Variants in CRADD observed in about 807,000 individuals in gnomAD.
The protein encoded by CRADD is death domain-containing protein CRADD.
CRADD carries 9 observed loss-of-function variants against 15.5 expected under a neutral mutation model. That is an observed-to-expected ratio of 0.58 (90% CI 0.35 to 1.01). The LOEUF (loss-of-function observed/expected upper bound fraction) is 1.01, where lower values mean the gene tolerates loss of function less well. Among genes scored for constraint, CRADD ranks in the 50% least tolerant of loss-of-function variants. The pLI is 0.02. For missense variants in CRADD, 227 were observed against 250.3 expected (o/e 0.91, Z 0.63); for synonymous variants, 118 against 107.6 (o/e 1.10, Z -0.60).
intron 2 of CRADD, among the ~76,000 whole-genome samples, chr12:93,833,132 A>G (rs1335184087): frequency 6.6e-6 from 1 of 152,232 alleles, no homozygotes; most frequent in Non-Finnish European, 1.5e-5. Flanking sequence ...ACAAATGCTA[A>G]GTGTTCATTA....
chr12:93,826,355 T>C (rs1957823777), intron 2 of CRADD, among the ~76,000 whole-genome samples: 1 of 152,208 alleles, frequency 6.6e-6, no homozygotes, highest in Non-Finnish European at 1.5e-5. Context: ...ACGATTCTTT[T>C]TGTTGTTCCA....
chr12:93,882,724 C>T (rs886368027), intron 2 of CRADD, among the ~76,000 whole-genome samples: 1 of 152,136 alleles, frequency 6.6e-6, no homozygotes, highest in African/African-American at 2.4e-5. Flanking sequence ...ATCAGTGGAT[C>T]GACTTCTGAA....
chr12:93,738,355 C>T (rs1956615865), intron 2 of CRADD: 1 of 702,254 alleles, frequency 1.4e-6, no homozygotes, highest in Non-Finnish European at 2.6e-6. Context: ...AGCCTGTTGA[C>T]AATCTCACCC....
At chr12:93,741,726 T>A (rs1956669958) in intron 2 of CRADD, among the ~76,000 whole-genome samples, 3 of 152,230 alleles carry the variant, frequency 2.0e-5, no homozygotes, top group Non-Finnish European at 4.4e-5. Flanking sequence ...ACAAAGAGGC[T>A]GATAAAATAC....
chr12:93,866,149 C>T (rs1958365708), intron 2 of CRADD, among the ~76,000 whole-genome samples: 1 of 152,056 alleles, frequency 6.6e-6, no homozygotes, highest in African/African-American at 2.4e-5. Context: ...TTGCTGGACA[C>T]TTGATAGGAA....
chr12:93,680,104 T>C (rs1375754778), intron 2 of CRADD, among the ~76,000 whole-genome samples: 1 of 152,132 alleles, frequency 6.6e-6, no homozygotes, highest in Non-Finnish European at 1.5e-5. Context: ...AGGAAGAAGA[T>C]GTGATATGGA....
rs192697480 is a variant in CRADD, at chr12:93,753,258, A to G, written c.298+74186A>G. The stretch of plus-strand genomic sequence containing the variant: ...AATAGCACAGGAAAAACCCACCTCC[A>G]TGATTCAATTACCTCCCACTGGGTC... On this transcript the variant is annotated intron_variant, in intron 2 of 2. Coordinates refer to ENST00000332896, the MANE Select transcript of CRADD (RefSeq NM_003805.5). Among the ~76,000 whole-genome samples, 8 of 151,898 alleles carry G rather than the reference A, an allele frequency of 5.3e-5. No individual in the cohort carries two copies. In the East Asian group the frequency reaches 1.5e-3, roughly 29 times the overall value.
At position 93,866,122 on chromosome 12, in the gene CRADD, A is replaced by G. The variant is rs532221819; in HGVS notation, c.299-27928A>G. On this transcript the variant is annotated intron_variant, in intron 2 of 2. Coordinates refer to the CRADD transcript ENST00000548483. Reference sequence around the variant, plus strand: ...AATTTCACAATGATATGTTTTGACTAATATGTTTTATTCATTTTGCTGGAC... The same window carrying G: ...AATTTCACAATGATATGTTTTGACTGATATGTTTTATTCATTTTGCTGGAC... 1.7e-4 allele frequency among the ~76,000 whole-genome samples: 26 copies of G among 152,254 alleles called. No homozygotes were observed. In the East Asian group the frequency reaches 5.0e-3, roughly 29 times the overall value.
At chr12:93,863,040 ACCTTCTTTTC>A in intron 2 of CRADD, among the ~76,000 whole-genome samples, 1 of 152,294 alleles carries the variant, frequency 6.6e-6, no homozygotes, top group East Asian at 1.9e-4. Context: ...GTTTTCTGGA[ACCTTCTTTTC>A]CTTCTTTAAT....
chr12:93,758,645 AGTGGAAG>A (rs1305362323), intron 2 of CRADD, among the ~76,000 whole-genome samples: 1 of 152,236 alleles, frequency 6.6e-6, no homozygotes, highest in South Asian at 2.1e-4. Context: ...TTTTAAATGC[AGTGGAAG>A]GTTTTATGTT....
rs1592870643 is a variant in CRADD, at chr12:93,678,947, T to C, written c.173T>C (p.Leu58Pro). Residue 58 changes from leucine (L) to proline (P), a missense_variant, in exon 2 of 3, where the codon CTG becomes CCG. By Grantham distance (98) the Leu-to-Pro change is moderately conservative. Transcript: ENST00000332896. Reference protein sequence around the residue: ...TTGLRKTMLLLDILPSRGPKA... With the variant: ...TTGLRKTMLLPDILPSRGPKA... ...GGCCTCCGGAAAACAATGCTCCTGC[T>C]GGATATCCTACCTTCCAGGGGCCCT... 6.2e-7 allele frequency: 1 copy of C among 1,614,154 alleles called. No individual in the cohort carries two copies.
intron 2 of CRADD, among the ~76,000 whole-genome samples, chr12:93,843,641 A>G (rs1479886772): frequency 6.6e-6 from 1 of 151,714 alleles, no homozygotes; most frequent in Non-Finnish European, 1.5e-5. Context: ...CAGCCTCCCA[A>G]AGGGCTGGGA....
intron 2 of CRADD, among the ~76,000 whole-genome samples, chr12:93,811,474 C>T (rs938180244): frequency 6.6e-6 from 1 of 152,192 alleles, no homozygotes; most frequent in Non-Finnish European, 1.5e-5. Flanking sequence ...TGCCCTGGCT[C>T]AGTGCTGGTT....
chr12:93,787,688 A>G (rs928470519), intron 2 of CRADD, among the ~76,000 whole-genome samples: 1 of 152,194 alleles, frequency 6.6e-6, no homozygotes, highest in African/African-American at 2.4e-5. Context: ...GGATTGCCTC[A>G]TAGCTGACTG....
At chr12:93,866,873 A>T (rs1958371650) in intron 2 of CRADD, among the ~76,000 whole-genome samples, 1 of 152,176 alleles carries the variant, frequency 6.6e-6, no homozygotes, top group Non-Finnish European at 1.5e-5. Flanking sequence ...AACATTTAGT[A>T]TGTAGTCCTC....
chr12:93,848,922 C>T (rs1327987570), intron 2 of CRADD: 1 of 152,260 alleles, frequency 6.6e-6, no homozygotes, highest in Non-Finnish European at 1.5e-5. Flanking sequence ...CCGTCTCATA[C>T]TTCCTGTTCC....
At chr12:93,877,327 C>T (rs767548806) in intron 2 of CRADD, among the ~76,000 whole-genome samples, 2 of 152,212 alleles carry the variant, frequency 1.3e-5, no homozygotes, top group South Asian at 2.1e-4. Flanking sequence ...GTAACCACTA[C>T]GTGGCTATTG....
chr12:93,750,356 A>G (rs1298386953), intron 2 of CRADD, among the ~76,000 whole-genome samples: 3 of 152,208 alleles, frequency 2.0e-5, no homozygotes, highest in Admixed American at 1.3e-4. Flanking sequence ...GCGTTGTCTA[A>G]CAAGACCTAA....
At chr12:93,889,906 A>G (rs1958564792) in intron 2 of CRADD, among the ~76,000 whole-genome samples, 1 of 152,184 alleles carries the variant, frequency 6.6e-6, no homozygotes, top group South Asian at 2.1e-4. Flanking sequence ...TTTCTAAAAG[A>G]CAACTTGAAG....
Sources: allele counts gnomAD v4.1 joint callset (sites outside exome capture counted in the v4.1 genomes callset), GRCh38; gene constraint gnomAD v4.1.1; transcripts MANE v1.5; gene names NCBI Gene and HGNC (gene_info 2026-07-23, HGNC 2026-07-21).